Variants in PRKN observed in about 807,000 individuals in gnomAD.
PRKN encodes the protein E3 ubiquitin-protein ligase parkin.
A neutral mutation model predicts 59.5 loss-of-function variants in PRKN; 56 were observed. That is an observed-to-expected ratio of 0.94 (90% confidence interval 0.76 to 1.18). The LOEUF (loss-of-function observed/expected upper bound fraction) is 1.18. Ranked by LOEUF, PRKN falls within the 50% of genes most tolerant of loss-of-function variation. PRKN has a pLI of 0.00. For synonymous variants in PRKN, 250 were observed against 222.1 expected (o/e 1.13, Z -1.12); for missense variants, 657 against 596.4 (o/e 1.10, Z -1.06).
intron 1 of PRKN, among the ~76,000 whole-genome samples, chr6:162,579,138 AG>A (rs1488202362): frequency 6.6e-6 from 1 of 152,214 alleles, no homozygotes; most frequent in Non-Finnish European, 1.5e-5. Context: ...AAGAAATCAA[AG>A]CCTGTCATTG....
chr6:162,640,834 G>A (rs983769427), intron 1 of PRKN, among the ~76,000 whole-genome samples: 1 of 152,120 alleles, frequency 6.6e-6, no homozygotes, highest in African/African-American at 2.4e-5. Context: ...ACTCCCCTTT[G>A]CTAAAGGTAT....
At chr6:162,050,499 C>T (rs1222633554) in intron 5 of PRKN, among the ~76,000 whole-genome samples, 4 of 150,662 alleles carry the variant, frequency 2.7e-5, no homozygotes, top group Middle Eastern at 3.4e-3. Flanking sequence ...CTCAATTTGG[C>T]ATTTTGTATT....
intron 1 of PRKN, among the ~76,000 whole-genome samples, chr6:162,617,273 C>T (rs989068804): frequency 1.3e-5 from 2 of 152,022 alleles, no homozygotes; most frequent in Admixed American, 1.3e-4. Flanking sequence ...ACTCTGTCAC[C>T]CAGCCTGAAG....
intron 2 of PRKN, among the ~76,000 whole-genome samples, chr6:162,383,677 T>C (rs573840726): frequency 6.6e-6 from 1 of 152,342 alleles, no homozygotes; most frequent in East Asian, 1.9e-4. Flanking sequence ...AAGGGCAGGC[T>C]GTTCTTGGAA....
rs77268152 is a variant in PRKN, at chr6:161,530,082, A to T, written c.1083+18772T>A. ...ACACCACTCTGATGTTTTAGCCAAC[A>T]GTTTTTTCACTGGGCCGTGGCTGTG... On this transcript the variant is annotated intron_variant, in intron 9 of 11. Coordinates refer to ENST00000366898, the MANE Select transcript of PRKN (RefSeq NM_004562.3). The surrounding 1 kb of genome is among the most constrained non-coding windows in gnomAD (Gnocchi z 5.0). 0.072 allele frequency among the ~76,000 whole-genome samples: 10,879 copies of T among 152,152 alleles called. 514 individuals carry two copies. The highest frequency in any genetic ancestry group is 0.13 in the African/African-American group (5,439 of 41,480).
At chr6:161,556,619 A>G (rs1426033068) in intron 8 of PRKN, among the ~76,000 whole-genome samples, 1 of 152,214 alleles carries the variant, frequency 6.6e-6, no homozygotes, top group Non-Finnish European at 1.5e-5. Context: ...TCAGTATAAA[A>G]TATGTGTGAT....
chr6:161,814,730 G>A (rs925159575), intron 6 of PRKN, among the ~76,000 whole-genome samples: 11 of 152,238 alleles, frequency 7.2e-5, no homozygotes, highest in Admixed American at 2.0e-4. Flanking sequence ...TCGAACTCCC[G>A]ACCTCAGGTG....
chr6:162,107,261 T>C (rs549346506), intron 4 of PRKN, among the ~76,000 whole-genome samples: 11 of 152,248 alleles, frequency 7.2e-5, no homozygotes, highest in African/African-American at 2.2e-4. Context: ...GGTCAGGAGT[T>C]CGAGACCAGC....
intron 9 of PRKN, among the ~76,000 whole-genome samples, chr6:161,519,517 C>A (rs1019575128): frequency 6.6e-6 from 1 of 152,142 alleles, no homozygotes; most frequent in African/African-American, 2.4e-5. Context: ...CAGGTGGATT[C>A]AGCATGATCA....
At chr6:162,327,216 A>C (rs1379940372) in intron 2 of PRKN, among the ~76,000 whole-genome samples, 1 of 152,192 alleles carries the variant, frequency 6.6e-6, no homozygotes, top group Non-Finnish European at 1.5e-5. Flanking sequence ...AGGAGAGAAA[A>C]ATATATGAGG....
chr6:162,051,546 C>T (rs567536919), intron 5 of PRKN, among the ~76,000 whole-genome samples: 3 of 152,264 alleles, frequency 2.0e-5, no homozygotes, highest in African/African-American at 2.4e-5. Flanking sequence ...CGAGCAGGAG[C>T]GTGGCCTTTG....
intron 2 of PRKN, among the ~76,000 whole-genome samples, chr6:162,337,812 C>A (rs1037530187): frequency 6.6e-6 from 1 of 151,984 alleles, no homozygotes; most frequent in Non-Finnish European, 1.5e-5. Flanking sequence ...TACAAAAGTA[C>A]GCTGAAGAGA....
chr6:162,381,534 ATCCC>A (rs910204308), intron 2 of PRKN, among the ~76,000 whole-genome samples: 4 of 151,946 alleles, frequency 2.6e-5, no homozygotes, highest in African/African-American at 9.7e-5. Flanking sequence ...GTAGCTTAAA[ATCCC>A]CATCTGTGGA....
rs1388354725 is a variant in PRKN at position 161,451,835 on chromosome 6, A to G, written c.1084-64958T>C. Among the ~76,000 whole-genome samples the G allele has an allele frequency of 6.6e-6, 1 of 152,194 alleles. No homozygotes were observed. The highest frequency in any genetic ancestry group is 6.5e-5 in the Admixed American group (1 of 15,270). On this transcript the variant is annotated intron_variant, in intron 9 of 11. Transcript: ENST00000366898. This position sits in a 1 kb window ranked among gnomAD's most constrained non-coding sequence, Gnocchi z 5.9. ...TCCTGGCCAGTCCATGGAACCCTCA[A>G]AATAGGTCCCTTAATTTTGTAGAAA... is the stretch of plus-strand genomic sequence containing the variant.
chr6:162,413,351 C>T (rs139746516), intron 2 of PRKN, among the ~76,000 whole-genome samples: 3,321 of 152,054 alleles, frequency 0.022, 62 homozygotes, highest in Non-Finnish European at 0.027. Context: ...TATGAGGGAG[C>T]GGTCTACATA....
At chr6:162,087,215 C>G (rs79815642) in intron 4 of PRKN, among the ~76,000 whole-genome samples, 9,740 of 152,238 alleles carry the variant, frequency 0.064, 458 homozygotes, top group South Asian at 0.17. Flanking sequence ...TATGGGTAGA[C>G]TCTCTCATTC....
At position 161,353,621 on chromosome 6, in the gene PRKN, G is replaced by A. The variant is rs1218333585; in HGVS notation, c.1286-3410C>T. Among the ~76,000 whole-genome samples the A allele has an allele frequency of 2.6e-5, 4 of 152,152 alleles. No individual in the cohort carries two copies. The highest frequency in any genetic ancestry group is 4.4e-5 in the Non-Finnish European group (3 of 68,044). On this transcript the variant is annotated intron_variant, in intron 11 of 11. Coordinates refer to ENST00000366898, the MANE Select transcript of PRKN (RefSeq NM_004562.3). This position sits in a 1 kb window ranked among gnomAD's most constrained non-coding sequence, Gnocchi z 4.8. ...CCTCGCCCTCTGCATCTCTTCATCT[G>A]TATCTTTTGTAATATCCTTTATAAT... is the stretch of plus-strand genomic sequence containing the variant.
intron 7 of PRKN, among the ~76,000 whole-genome samples, chr6:161,705,085 C>T (rs572107824): frequency 6.6e-6 from 1 of 152,318 alleles, no homozygotes; most frequent in Non-Finnish European, 1.5e-5. Context: ...TGGAGTCATG[C>T]ATCCCCTTAT....
At chr6:161,626,521 G>A (rs1236929594) in intron 7 of PRKN, among the ~76,000 whole-genome samples, 1 of 152,212 alleles carries the variant, frequency 6.6e-6, no homozygotes, top group Admixed American at 6.5e-5. Flanking sequence ...GGCACATGTG[G>A]TTGCCAGACT....
Sources: allele counts gnomAD v4.1 joint callset (sites outside exome capture counted in the v4.1 genomes callset), GRCh38; gene constraint gnomAD v4.1.1; non-coding constraint Gnocchi (gnomAD v3.1); transcripts MANE v1.5; gene names NCBI Gene and HGNC (gene_info 2026-07-23, HGNC 2026-07-21).